The following TBXAS1 variants were observed in gnomAD, a reference collection of about 807,000 sequenced individuals.
TBXAS1 encodes thromboxane A synthase 1.
Under a neutral mutation model 60.7 loss-of-function variants are expected in TBXAS1, and 48 were observed. The ratio of observed to expected loss-of-function variants is 0.79; its 90% CI spans 0.63 to 1.01. The LOEUF (loss-of-function observed/expected upper bound fraction) is 1.01. Among genes scored for constraint, TBXAS1 ranks in the 50% least tolerant of loss-of-function variants. The pLI is 0.00. For synonymous variants in TBXAS1, 287 were observed against 269.7 expected (o/e 1.06, Z -0.63); for missense variants, 685 against 686.3 (o/e 1.00, Z 0.02).
chr7:139,866,785 A>G (rs966716710), intron 1 of TBXAS1, among the ~76,000 whole-genome samples: 5 of 151,982 alleles, frequency 3.3e-5, no homozygotes, highest in Non-Finnish European at 5.9e-5. Flanking sequence ...AAGTAGAGAC[A>G]TAGGAAAAAT....
At chr7:139,937,596 AC>A (rs550655427) in intron 5 of TBXAS1, among the ~76,000 whole-genome samples, 115 of 152,304 alleles carry the variant, frequency 7.6e-4, no homozygotes, top group African/African-American at 2.6e-3. Flanking sequence ...AGAGTCAGGT[AC>A]CAAGGGTTGC....
chr7:140,019,373 C>T (rs1023369507), intron 12 of TBXAS1, among the ~76,000 whole-genome samples: 2 of 152,180 alleles, frequency 1.3e-5, no homozygotes, highest in African/African-American at 4.8e-5. Context: ...CCCACGATCT[C>T]AACATACAGT....
At chr7:139,965,021 C>T (rs931877335) in intron 9 of TBXAS1, among the ~76,000 whole-genome samples, 5 of 152,186 alleles carry the variant, frequency 3.3e-5, no homozygotes, top group African/African-American at 1.2e-4. Context: ...GAGTTCAAGA[C>T]CAGCCTGACC....
intron 4 of TBXAS1, among the ~76,000 whole-genome samples, chr7:139,919,848 T>A (rs1340098726): frequency 6.6e-6 from 1 of 152,174 alleles, no homozygotes; most frequent in African/African-American, 2.4e-5. Context: ...ACCCAAGAGT[T>A]GATGAAATAA....
intron 1 of TBXAS1, among the ~76,000 whole-genome samples, chr7:139,861,537 G>A (rs79671099): frequency 4.6e-5 from 7 of 151,524 alleles, no homozygotes; most frequent in East Asian, 1.9e-4. Flanking sequence ...TTACAGGAGC[G>A]AGCCACTGTG....
chr7:139,977,097 A>T (rs1239076117), intron 9 of TBXAS1, among the ~76,000 whole-genome samples: 2 of 152,224 alleles, frequency 1.3e-5, no homozygotes, highest in Non-Finnish European at 2.9e-5. Context: ...AAATCATCTC[A>T]GAATCATACC....
intron 1 of TBXAS1, among the ~76,000 whole-genome samples, chr7:139,848,940 A>C (rs895675722): frequency 6.6e-6 from 1 of 152,292 alleles, no homozygotes; most frequent in South Asian, 2.1e-4. Flanking sequence ...GATCTTTGGC[A>C]AAATAGAATC....
At chr7:139,851,438 T>C (rs1437938424) in intron 1 of TBXAS1, among the ~76,000 whole-genome samples, 1 of 152,246 alleles carries the variant, frequency 6.6e-6, no homozygotes, top group Admixed American at 6.5e-5. Context: ...AGCAAGTGCT[T>C]AATAATAAAT....
chr7:140,016,141 A>C (rs1422701890), intron 11 of TBXAS1, among the ~76,000 whole-genome samples: 3 of 152,052 alleles, frequency 2.0e-5, no homozygotes, highest in Non-Finnish European at 4.4e-5. Context: ...ATCCTGGCTA[A>C]CACGGTGAAA....
chr7:139,798,006 G>A (rs1797616638), intron 4 of TBXAS1, among the ~76,000 whole-genome samples: 2 of 152,186 alleles, frequency 1.3e-5, no homozygotes, highest in Non-Finnish European at 2.9e-5. Context: ...GGTCGCCATT[G>A]TGTACACACA....
chr7:139,850,987 G>A (rs955282838), intron 1 of TBXAS1, among the ~76,000 whole-genome samples: 3 of 152,142 alleles, frequency 2.0e-5, no homozygotes, highest in Admixed American at 6.5e-5. Context: ...TAAGCCACCC[G>A]GTTTGTGGCA....
chr7:139,943,935 A>G (rs561251140), intron 5 of TBXAS1, among the ~76,000 whole-genome samples: 15 of 152,200 alleles, frequency 9.9e-5, no homozygotes, highest in Admixed American at 5.2e-4. Flanking sequence ...GCTGACCCTT[A>G]CTTATTCAGA....
chr7:139,867,798 CAG>C (rs2116776227), intron 1 of TBXAS1, among the ~76,000 whole-genome samples: 1 of 151,820 alleles, frequency 6.6e-6, no homozygotes, highest in East Asian at 1.9e-4. Flanking sequence ...GCCTGGGTGA[CAG>C]AGTGAGACTC....
At chr7:139,929,959 ACT>A (rs771775103) in intron 4 of TBXAS1, among the ~76,000 whole-genome samples, 58 of 152,108 alleles carry the variant, frequency 3.8e-4, no homozygotes, top group Non-Finnish European at 6.9e-4. Context: ...TCTGTTCAAA[ACT>A]CTGCTATGAC....
At position 140,003,211 on chromosome 7, in the gene TBXAS1, TTTTG is replaced by T. The variant is rs201489456; in HGVS notation, c.1135-3870_1135-3867del. Among the ~76,000 whole-genome samples, 1,221 of 152,164 alleles carry T rather than the reference TTTTG, an allele frequency of 8.0e-3. 9 individuals carry two copies. Among genetic ancestry groups the T allele is most frequent in the Non-Finnish European group, 0.013 (874 of 67,996 alleles). ...CAAGATGGTCTTTACATACGTATCT[TTTTG>T]TTTGTTTGTCTGTTTGTTTGAGATG... On this transcript the variant is annotated intron_variant, in intron 9 of 12. Transcript: ENST00000448866.
At chr7:139,813,353 G>A (rs1798068948) in intron 4 of TBXAS1, among the ~76,000 whole-genome samples, 1 of 152,154 alleles carries the variant, frequency 6.6e-6, no homozygotes, top group Non-Finnish European at 1.5e-5. Context: ...TTCCTTTAGT[G>A]TAACTCGCTC....
At chr7:139,947,104 T>C (rs1272275123) in intron 5 of TBXAS1, among the ~76,000 whole-genome samples, 2 of 152,052 alleles carry the variant, frequency 1.3e-5, no homozygotes, top group Non-Finnish European at 2.9e-5. Flanking sequence ...TTGCCCTCTG[T>C]CTGCACCTTG....
intron 9 of TBXAS1, among the ~76,000 whole-genome samples, chr7:139,984,644 A>AGAGAG (rs1569522277): frequency 1.2e-5 from 1 of 82,188 alleles, no homozygotes; most frequent in African/African-American, 5.7e-5. Context: ...GAGAGAGAGA[A>AGAGAG]AGAAAGAAAG....
At chr7:139,940,148 C>T (rs188395895) in intron 5 of TBXAS1, among the ~76,000 whole-genome samples, 1 of 152,272 alleles carries the variant, frequency 6.6e-6, no homozygotes, top group East Asian at 1.9e-4. Flanking sequence ...CCAAAAGCAG[C>T]TCCCCTTTGC....
Sources: gnomAD v4.1 joint callset for allele counts (sites outside exome capture counted in the v4.1 genomes callset) on GRCh38, gnomAD v4.1.1 for gene constraint, MANE v1.5 for transcripts, NCBI Gene and HGNC (gene_info 2026-07-23, HGNC 2026-07-21) for gene names.